DYSF: variants seen among roughly 807,000 people sequenced by gnomAD.
DYSF encodes dystrophy-associated fer-1-like 1.
A neutral mutation model predicts 274.9 loss-of-function variants in DYSF; 212 were observed. The observed-to-expected ratio is 0.77, with a 90% CI of 0.69 to 0.86. The LOEUF is 0.86. Ranked by LOEUF, DYSF falls within the 40% of genes least tolerant of loss-of-function variation. The pLI, the probability that DYSF is intolerant of heterozygous loss-of-function variation, is 0.00. For synonymous variants in DYSF, 1,091 were observed against 1,078.7 expected (o/e 1.01, Z -0.22); for missense variants, 2,666 against 2,783.2 (o/e 0.96, Z 0.95).
intron 1 of DYSF, among the ~76,000 whole-genome samples, chr2:71,461,056 A>G (rs1040657917): frequency 6.6e-6 from 1 of 152,126 alleles, no homozygotes; most frequent in African/African-American, 2.4e-5. Flanking sequence ...AGTGGGCAGA[A>G]CCCACACCCG....
At chr2:71,502,357 T>C (rs546381390) in intron 3 of DYSF, among the ~76,000 whole-genome samples, 6 of 152,184 alleles carry the variant, frequency 3.9e-5, no homozygotes, top group Admixed American at 2.6e-4. Context: ...CAGCCTAACA[T>C]GGCCTTGTGC....
chr2:71,495,905 C>A (rs2084336671), intron 3 of DYSF, among the ~76,000 whole-genome samples: 1 of 151,846 alleles, frequency 6.6e-6, no homozygotes, highest in Non-Finnish European at 1.5e-5. Flanking sequence ...AGACCACTCT[C>A]ATTGGTGGCT....
intron 17 of DYSF, among the ~76,000 whole-genome samples, chr2:71,547,575 G>A (rs758541842): frequency 6.6e-6 from 1 of 152,200 alleles, no homozygotes; most frequent in Non-Finnish European, 1.5e-5. Context: ...GGAGGCGGAG[G>A]TTGCAGTGAG....
intron 17 of DYSF, among the ~76,000 whole-genome samples, chr2:71,545,705 G>A (rs1264381826): frequency 1.3e-5 from 2 of 152,086 alleles, no homozygotes; most frequent in East Asian, 1.9e-4. Flanking sequence ...ACTGTTTTCC[G>A]ACAGTTGTGT....
chr2:71,578,738 C>T (rs1002194512), intron 30 of DYSF, among the ~76,000 whole-genome samples: 3 of 152,108 alleles, frequency 2.0e-5, no homozygotes, highest in Non-Finnish European at 4.4e-5. Context: ...CACCTTTTCC[C>T]TGACCCAACA....
At chr2:71,671,827 G>A (rs1435018822) in intron 51 of DYSF, among the ~76,000 whole-genome samples, 1 of 152,204 alleles carries the variant, frequency 6.6e-6, no homozygotes, top group Non-Finnish European at 1.5e-5. Context: ...GCCTGGTCAG[G>A]AGGAAGGAAG....
At chr2:71,493,871 A>AAAG (rs1553514847) in intron 3 of DYSF, among the ~76,000 whole-genome samples, 3 of 133,478 alleles carry the variant, frequency 2.2e-5, no homozygotes, top group South Asian at 2.3e-4. Flanking sequence ...AAAAAAAAAA[A>AAAG]AAAGAAAGAA....
At chr2:71,504,059 G>C (rs950292428) in intron 4 of DYSF, among the ~76,000 whole-genome samples, 1 of 152,180 alleles carries the variant, frequency 6.6e-6, no homozygotes, top group Non-Finnish European at 1.5e-5. Flanking sequence ...GTACTGCCCC[G>C]TGGCGGGTGT....
At chr2:71,613,234 C>T (rs944648956) in intron 39 of DYSF, 100 bp from the exon 40 acceptor site, 1 of 1,005,436 alleles carries the variant, frequency 9.9e-7, no homozygotes, top group African/African-American at 1.6e-5. Flanking sequence ...GGAGAGACTG[C>T]AGGGTCTTGT....
At position 71,686,524 on chromosome 2, in the gene DYSF, G is replaced by A; in HGVS notation, c.*32G>A. ...TCCTGCCCTGTAGAAGGGGCCGTGG[G>A]GTCCCCTCCAGCATGGGACTGGCCT... On this transcript the variant is annotated 3_prime_UTR_variant, in exon 56 of 56. Transcript: ENST00000410020. 1 of 1,613,608 alleles carries A rather than the reference G, an allele frequency of 6.2e-7. No individual in the cohort carries two copies. The highest frequency in any genetic ancestry group is 8.5e-7 in the Non-Finnish European group (1 of 1,179,810).
rs542296561 is a variant in DYSF at position 71,590,092 on chromosome 2, C to T, written c.3497-119C>T. The T allele has an allele frequency of 9.8e-5, 97 of 985,122 alleles. No homozygotes were observed. The African/African-American group carries it at 1.3e-3, about 13-fold the overall frequency. 61.0% of individuals were successfully genotyped at this position (985,122 alleles called of 1,614,324 possible). ...TCGCACAGTGGCCTGTGTGGTTTCCCTCATTCAGCCCCTCTGTCTGCTGCC... is the reference window on the plus strand; with the variant it reads ...TCGCACAGTGGCCTGTGTGGTTTCCTTCATTCAGCCCCTCTGTCTGCTGCC... On this transcript the variant is annotated intron_variant, in intron 31 of 55. Coordinates refer to ENST00000410020, the MANE Select transcript of DYSF (RefSeq NM_001130987.2).
Position 71,567,052 on chromosome 2 carries a change from T to C in DYSF, c.2566-899T>C, listed in dbSNP as rs542861861. Among the ~76,000 whole-genome samples, 25 of 152,336 alleles carry C rather than the reference T, an allele frequency of 1.6e-4. No homozygotes were observed. The South Asian group carries it at 4.8e-3, about 29-fold the overall frequency. On this transcript the variant is annotated intron_variant, in intron 24 of 55. Coordinates refer to ENST00000410020, the MANE Select transcript of DYSF (RefSeq NM_001130987.2). ...CATGACACTAGGCCTGGGTACTTAATGTGTTGCCTCCTCTAGGGGACAATG... is the reference window on the plus strand; with the variant it reads ...CATGACACTAGGCCTGGGTACTTAACGTGTTGCCTCCTCTAGGGGACAATG...
chr2:71,683,631 A>G (rs1471562987), intron 55 of DYSF, among the ~76,000 whole-genome samples: 1 of 152,240 alleles, frequency 6.6e-6, no homozygotes, highest in East Asian at 1.9e-4. Context: ...CAGAGAAGGA[A>G]AGGGCCTGGC....
intron 19 of DYSF, 124 bp from the exon 20 acceptor site, chr2:71,552,887 C>CA (rs2091049029): frequency 2.1e-5 from 20 of 944,054 alleles, no homozygotes; most frequent in African/African-American, 6.5e-5. Flanking sequence ...TGCCACCCGT[C>CA]AGTCCAGCCA....
intron 36 of DYSF, among the ~76,000 whole-genome samples, chr2:71,605,312 T>G (rs1328479639): frequency 6.6e-6 from 1 of 152,226 alleles, no homozygotes; most frequent in Non-Finnish European, 1.5e-5. Context: ...GGGAATGAGT[T>G]CAAAGAAACT....
chr2:71,598,113 G>A (rs1028163948), intron 32 of DYSF, among the ~76,000 whole-genome samples: 6 of 152,204 alleles, frequency 3.9e-5, no homozygotes, highest in Admixed American at 6.5e-5. Context: ...GTAATTTTAC[G>A]TTAGCTTGTG....
At chr2:71,686,003 C>A (rs780440116) in intron 55 of DYSF, among the ~76,000 whole-genome samples, 1 of 152,124 alleles carries the variant, frequency 6.6e-6, no homozygotes, top group Non-Finnish European at 1.5e-5. Context: ...TGTGATGACC[C>A]GTAAGCCCTG....
rs762486621 is a variant in DYSF at position 71,570,631 on chromosome 2, C to T, written c.3118C>T (p.Arg1040Trp). The change falls in exon 29 of 56, where the codon CGG becomes TGG. Residue 1040 changes from arginine (R) to tryptophan (W), a missense_variant. Around this residue, in one of 3 missense-constraint regions of DYSF, gnomAD observed 1,460 missense variants for 1,502.1 expected, o/e 0.97. Transcript: ENST00000410020. ...GTATAGCATCACCATCCCCCCGGAG[C>T]GGAAGCCGAAGCACTGGGTCCCTGC... ...WEYSITIPPE[R>W]KPKHWVPAEK... 2.6e-5 allele frequency: 42 copies of T among 1,613,960 alleles called. No homozygotes were observed. The East Asian group carries it at 5.1e-4, about 20-fold the overall frequency.
chr2:71,539,486 G>A (rs1204859859), intron 17 of DYSF, among the ~76,000 whole-genome samples: 2 of 152,212 alleles, frequency 1.3e-5, no homozygotes, highest in African/African-American at 4.8e-5. Context: ...CTCCTGCAGA[G>A]AATATTGGCT....
Sources: allele counts gnomAD v4.1 joint callset (sites outside exome capture counted in the v4.1 genomes callset), GRCh38; gene constraint gnomAD v4.1.1; regional missense constraint gnomAD v4.1.1; transcripts MANE v1.5; gene names NCBI Gene and HGNC (gene_info 2026-07-23, HGNC 2026-07-21).